SEMA3C: variants seen among roughly 807,000 people sequenced by gnomAD.
SEMA3C encodes semaphorin-3C.
Under a neutral mutation model 89.4 loss-of-function variants are expected in SEMA3C, and 47 were observed. The ratio of observed to expected loss-of-function variants is 0.53; its 90% confidence interval spans 0.42 to 0.67. SEMA3C has a LOEUF of 0.67. Ranked by LOEUF, SEMA3C falls within the 30% of genes least tolerant of loss-of-function variation. The pLI, the probability that SEMA3C is intolerant of heterozygous loss-of-function variation, is 0.00. For synonymous variants in SEMA3C, 310 were observed against 320.2 expected (o/e 0.97, Z 0.34); for missense variants, 839 against 929.1 (o/e 0.90, Z 1.26).
chr7:80,742,777 C>T lies in SEMA3C; in HGVS notation c.*2117G>A, dbSNP rs1388277991. The T allele has an allele frequency of 4.0e-5, 6 of 151,772 alleles. No individual in the cohort carries two copies. The highest frequency in any genetic ancestry group is 9.7e-5 in the African/African-American group (4 of 41,386). The allele number at this position is 151,772 out of a possible 1,614,324, so 9.4% of individuals were successfully genotyped here. On this transcript the variant is annotated 3_prime_UTR_variant, in exon 18 of 18. Coordinates refer to ENST00000265361, the MANE Select transcript of SEMA3C (RefSeq NM_006379.5). ...ATTAAGTCACTGAATTGTCAAGCTA[C>T]ATAAAATAAAACCAATCAACCACCA... is the stretch of plus-strand genomic sequence containing the variant.
In SEMA3C at chr7:80,750,473, T is replaced by TACAC. The variant is rs56793292; in HGVS notation, c.1711+792_1711+795dup. On this transcript the variant is annotated intron_variant, in intron 16 of 17. Coordinates refer to ENST00000265361, the MANE Select transcript of SEMA3C (RefSeq NM_006379.5). Reference sequence around the variant, plus strand: ...ATATATATATATATATATATATATATACACACACACACACACACACACACA... The same window carrying TACAC: ...ATATATATATATATATATATATATATACACACACACACACACACACACACACACA... 4.4e-3 allele frequency among the ~76,000 whole-genome samples: 246 copies of TACAC among 55,344 alleles called. 3 individuals are homozygous for TACAC. Among genetic ancestry groups the TACAC allele is most frequent in the African/African-American group, 0.011 (148 of 13,518 alleles). The allele number at this position is 55,344 out of a possible 152,430, so 36.3% of individuals were successfully genotyped here. A position where few individuals can be genotyped will look rare whatever the true frequency, so the allele number is the denominator to read the frequency against.
intron 9 of SEMA3C, among the ~76,000 whole-genome samples, chr7:80,801,104 TG>T (rs1314450952): frequency 6.6e-6 from 1 of 152,096 alleles, no homozygotes; most frequent in Admixed American, 6.5e-5. Context: ...TTACATAATA[TG>T]GACTAGAACC....
Position 80,748,992 on chromosome 7 carries a change from A to G in SEMA3C, c.1748T>C (p.Val583Ala). The G allele has an allele frequency of 6.2e-7, 1 of 1,612,794 alleles. No homozygotes were observed. Among genetic ancestry groups the G allele is most frequent in the Non-Finnish European group, 8.5e-7 (1 of 1,179,438 alleles). ...CTCCAGAAAAGTGGTGTTATTTTTTACTCCATACTGGACAATTTCAGCTGC... is the reference window on the plus strand; with the variant it reads ...CTCCAGAAAAGTGGTGTTATTTTTTGCTCCATACTGGACAATTTCAGCTGC... ...RNAAEIVQYG[V>A]KNNTTFLECA... The change falls in exon 17 of 18, where the codon GTA (valine) becomes GCA (alanine). Residue 583 changes from valine (V) to alanine (A), a missense_variant. Physicochemically the swap from Val to Ala is moderately conservative, Grantham distance 64 (BLOSUM62 0). Transcript: ENST00000265361.
intron 8 of SEMA3C, among the ~76,000 whole-genome samples, chr7:80,803,015 ATG>A (rs1432867932): frequency 6.6e-6 from 1 of 152,186 alleles, no homozygotes; most frequent in Non-Finnish European, 1.5e-5. Context: ...TATTTGATAA[ATG>A]TGTGACATAA....
At chr7:80,751,183 A>G in intron 16 of SEMA3C, 86 bp downstream of exon 16, 1 of 1,103,460 alleles carries the variant, frequency 9.1e-7, no homozygotes, top group Non-Finnish European at 1.4e-6. Flanking sequence ...AAACGCCTGA[A>G]TCTATGACAA....
chr7:80,854,682 T>G lies in SEMA3C; in HGVS notation c.104-25937A>C, dbSNP rs547103510. ...TATTAATGAGCGGCCATCTGGGCTC[T>G]TTTACATCTTTATGGAGAGGGTATT... On this transcript the variant is annotated intron_variant, in intron 2 of 17. Transcript: ENST00000265361. Among the ~76,000 whole-genome samples the G allele has an allele frequency of 1.9e-3, 292 of 152,312 alleles. 1 individual carries two copies. The highest frequency in any genetic ancestry group is 5.3e-3 in the African/African-American group (219 of 41,574).
intron 2 of SEMA3C, among the ~76,000 whole-genome samples, chr7:80,871,606 A>G (rs1791060406): frequency 6.6e-6 from 1 of 152,208 alleles, no homozygotes; most frequent in South Asian, 2.1e-4. Flanking sequence ...CTTGAGCAGT[A>G]GGATATAAAT....
intron 15 of SEMA3C, among the ~76,000 whole-genome samples, chr7:80,752,866 C>T (rs1409446737): frequency 1.3e-5 from 2 of 151,908 alleles, no homozygotes; most frequent in African/African-American, 4.8e-5. Flanking sequence ...CTATCAACAC[C>T]GAAAAGTATA....
intron 2 of SEMA3C, among the ~76,000 whole-genome samples, chr7:80,897,051 G>A (rs1583989259): frequency 6.6e-6 from 1 of 152,160 alleles, no homozygotes; most frequent in South Asian, 2.1e-4. Context: ...TGTGGGATGG[G>A]CCAGCAACTT....
Position 80,918,847 on chromosome 7 carries a change from C to T in SEMA3C, c.-58G>A. The T allele has an allele frequency of 1.0e-6, 1 of 985,468 alleles. No homozygotes were observed. The highest frequency in any genetic ancestry group is 1.2e-6 in the Non-Finnish European group (1 of 829,952). The allele number at this position is 985,468 out of a possible 1,614,324, so 61.0% of individuals were successfully genotyped here. On this transcript the variant is annotated 5_prime_UTR_variant, in exon 1 of 18. Transcript: ENST00000265361. ...GCTTACCGAGGTTGAAAGAAATCAG[C>T]ACGGAAAAGTCATCAGTTTGCTACC...
In SEMA3C at chr7:80,819,095, T is replaced by C. The variant is rs144576422; in HGVS notation, c.328-677A>G. ...CTATTTCTGTTTTAATCTGGACTAA[T>C]TCTAATACTTCATTTGAAAATGCTC... On this transcript the variant is annotated intron_variant, in intron 4 of 17. Coordinates refer to ENST00000265361, the MANE Select transcript of SEMA3C (RefSeq NM_006379.5). Among the ~76,000 whole-genome samples, 4 of 152,342 alleles carry C rather than the reference T, an allele frequency of 2.6e-5. No individual in the cohort carries two copies. In the East Asian group the frequency reaches 7.7e-4, roughly 29 times the overall value.
intron 2 of SEMA3C, among the ~76,000 whole-genome samples, chr7:80,903,590 A>C (rs1791936508): frequency 6.6e-6 from 1 of 152,148 alleles, no homozygotes; most frequent in African/African-American, 2.4e-5. Context: ...TGAACCCAGG[A>C]GGCAAAGGTT....
At chr7:80,891,333 G>T (rs1233634364) in intron 2 of SEMA3C, among the ~76,000 whole-genome samples, 3 of 151,988 alleles carry the variant, frequency 2.0e-5, no homozygotes, top group African/African-American at 7.3e-5. Flanking sequence ...CTGTTACTGA[G>T]TGAGTTCAAT....
At chr7:80,823,762 C>T (rs1256384505) in intron 4 of SEMA3C, among the ~76,000 whole-genome samples, 3 of 151,882 alleles carry the variant, frequency 2.0e-5, no homozygotes, top group Non-Finnish European at 2.9e-5. Flanking sequence ...ATTTTTCAAC[C>T]GTCTCCTATA....
intron 15 of SEMA3C, among the ~76,000 whole-genome samples, chr7:80,757,857 C>G (rs149034276): frequency 0.03 from 4,566 of 152,214 alleles, 103 homozygotes; most frequent in South Asian, 0.049. Flanking sequence ...ATCCCAGCTA[C>G]TCGGGAGGCT....
At chr7:80,755,946 C>T (rs1178108708) in intron 15 of SEMA3C, among the ~76,000 whole-genome samples, 2 of 152,040 alleles carry the variant, frequency 1.3e-5, no homozygotes, top group Non-Finnish European at 2.9e-5. Context: ...CACTAGCGCC[C>T]AAATTAACAT....
chr7:80,858,548 G>A (rs1051341912), intron 2 of SEMA3C, among the ~76,000 whole-genome samples: 3 of 152,086 alleles, frequency 2.0e-5, no homozygotes, highest in African/African-American at 4.8e-5. Flanking sequence ...ATTTTGAGGA[G>A]GAATTCCAGT....
chr7:80,863,803 TATATGTGATACATATATATGTG>T (rs1471378862), intron 2 of SEMA3C, among the ~76,000 whole-genome samples: 1 of 117,834 alleles, frequency 8.5e-6, no homozygotes, highest in Admixed American at 8.0e-5. Flanking sequence ...CCATCTGATA[TATATGTGATACATATATATGTG>T]ATATGTGATA....
chr7:80,882,412 C>CTTTTTTTTTTTTT (rs763742493), intron 2 of SEMA3C, among the ~76,000 whole-genome samples: 3 of 46,652 alleles, frequency 6.4e-5, no homozygotes, highest in African/African-American at 9.3e-5. Flanking sequence ...GTAAGGGATG[C>CTTTTTTTTTTTTT]TTTTTTTTTT....
Sources: gnomAD v4.1 joint callset for allele counts (sites outside exome capture counted in the v4.1 genomes callset) on GRCh38, gnomAD v4.1.1 for gene constraint, MANE v1.5 for transcripts, NCBI Gene and HGNC (gene_info 2026-07-23, HGNC 2026-07-21) for gene names.